TRNT1: variants seen among roughly 807,000 people sequenced by gnomAD.
The protein encoded by TRNT1 is CCA tRNA nucleotidyltransferase 1, mitochondrial.
TRNT1 carries 44 observed loss-of-function variants against 45.6 expected under a neutral mutation model. That is an observed-to-expected ratio of 0.97 (90% CI 0.76 to 1.24). TRNT1 has a LOEUF of 1.24. Among genes scored for constraint, TRNT1 ranks in the 50% most tolerant of loss-of-function variants. TRNT1 has a pLI of 0.00. For missense variants in TRNT1, 633 were observed against 504.4 expected, an observed-to-expected ratio of 1.25 and a Z score of -2.44; for synonymous variants, 201 against 171.4, an observed-to-expected ratio of 1.17 and a Z score of -1.35.
At chr3:3,141,116 T>C (rs1559224426) in intron 4 of TRNT1, among the ~76,000 whole-genome samples, 2 of 152,300 alleles carry the variant, frequency 1.3e-5, no homozygotes, top group Admixed American at 1.3e-4. Flanking sequence ...TGGGTTCAAA[T>C]TCTGACTCCG....
chr3:3,150,594 C>A, downstream of TRNT1: 1 of 359,476 alleles, frequency 2.8e-6, no homozygotes, highest in South Asian at 2.8e-5. Context: ...TGACATGCTA[C>A]CAGACATATC....
chr3:3,148,908 A>T lies in TRNT1; in HGVS notation c.*754A>T, dbSNP rs563591179. On this transcript the variant is annotated 3_prime_UTR_variant, in exon 8 of 8. Coordinates refer to ENST00000251607, the MANE Select transcript of TRNT1 (RefSeq NM_182916.3). Reference sequence around the variant, plus strand: ...ATTAGGTGTCATATACAATGGTAATATGCCTGTCTTTAAAGTGTTATTTTA... The same window carrying T: ...ATTAGGTGTCATATACAATGGTAATTTGCCTGTCTTTAAAGTGTTATTTTA... The T allele has an allele frequency of 1.4e-4, 21 of 152,250 alleles. No individual in the cohort carries two copies. The highest frequency in any genetic ancestry group is 2.0e-4 in the Admixed American group (3 of 15,286). The allele number at this position is 152,250 out of a possible 1,614,324, so 9.4% of individuals were successfully genotyped here.
downstream of TRNT1, chr3:3,149,082 C>T (rs1049182400): frequency 1.0e-4 from 15 of 150,424 alleles, no homozygotes; most frequent in Admixed American, 7.3e-4. Flanking sequence ...AATTTATTTC[C>T]TTTCTGTGTA....
In TRNT1 at chr3:3,147,759, TA is replaced by T. The variant is rs1231481746; in HGVS notation, c.1056+58del. ...TGAAGTATCGTCACGAATTTAGAAT[TA>T]ATTTATTAAAACTAAGATCTACAAA... On this transcript the variant is annotated intron_variant, in intron 7 of 7. Coordinates refer to ENST00000251607, the MANE Select transcript of TRNT1 (RefSeq NM_182916.3). The T allele has an allele frequency of 2.5e-5, 39 of 1,538,778 alleles. No homozygotes were observed. In the African/African-American group the frequency reaches 5.1e-4, roughly 20 times the overall value.
intron 1 of TRNT1, 132 bp from the exon 2 acceptor site, chr3:3,128,882 C>T: frequency 1.4e-6 from 1 of 690,760 alleles, no homozygotes; most frequent in South Asian, 2.1e-5. Flanking sequence ...CAAACTGACA[C>T]CGTTTTCAGT....
chr3:3,141,058 C>T (rs1292024408), intron 4 of TRNT1, among the ~76,000 whole-genome samples: 4 of 152,166 alleles, frequency 2.6e-5, no homozygotes, highest in East Asian at 3.9e-4. Context: ...GGCAACAGAG[C>T]GAGACTCCAT....
chr3:3,137,993 C>T (rs1705431965), intron 3 of TRNT1, among the ~76,000 whole-genome samples: 1 of 152,244 alleles, frequency 6.6e-6, no homozygotes, highest in East Asian at 1.9e-4. Flanking sequence ...TTTATTCCTG[C>T]ACTCTGTGCC....
At chr3:3,144,527 G>A (rs1430142614) in intron 4 of TRNT1, 57 bp from the exon 5 acceptor site, 2 of 1,502,668 alleles carry the variant, frequency 1.3e-6, no homozygotes, top group Admixed American at 4.0e-5. Flanking sequence ...ATTTTCTTGT[G>A]TTTTCAAATT....
intron 2 of TRNT1, 58 bp from the exon 3 acceptor site, chr3:3,137,202 A>G: frequency 6.4e-6 from 9 of 1,404,612 alleles, no homozygotes; most frequent in Non-Finnish European, 7.7e-6. Context: ...TTGTGGTTAA[A>G]ATAAACACAT....
intron 2 of TRNT1, among the ~76,000 whole-genome samples, chr3:3,130,948 G>A (rs1413052113): frequency 6.6e-6 from 1 of 152,020 alleles, no homozygotes; most frequent in Non-Finnish European, 1.5e-5. Flanking sequence ...CAAGCATACT[G>A]ATATGTGTCT....
rs528296646 is a variant in TRNT1, at chr3:3,140,629, T to G, written c.462T>G (p.Thr154=). ...WQKDAERRDL[T]INSMFLGFDG... is the part of the protein sequence containing the mutation. ...AAGATGCGGAACGCAGAGATCTCAC[T>G]ATAAATTCTATGTTTTTAGGTAATA... is the stretch of plus-strand genomic sequence containing the variant. Residue 154 remains threonine, a synonymous_variant, in exon 4 of 8, where the codon ACT becomes ACG. Transcript: ENST00000251607. 4.6e-5 allele frequency: 74 copies of G among 1,614,068 alleles called. No homozygotes were observed. In the African/African-American group the frequency reaches 9.3e-4, roughly 20 times the overall value.
At position 3,148,296 on chromosome 3, in the gene TRNT1, A is replaced by C; in HGVS notation, c.*142A>C. ...GAACAACAAGGGTCTTATTTTGTGA[A>C]TTATATATTTCAAGAACTAAACAGA... On this transcript the variant is annotated 3_prime_UTR_variant, in exon 8 of 8. Transcript: ENST00000251607. 1 of 829,438 alleles carries C rather than the reference A, an allele frequency of 1.2e-6. No individual in the cohort carries two copies. Among genetic ancestry groups the C allele is most frequent in the Non-Finnish European group, 1.8e-6 (1 of 542,102 alleles). 51.4% of individuals were successfully genotyped at this position (829,438 alleles called of 1,614,324 possible).
At chr3:3,138,806 GAT>G (rs1025590505) in intron 3 of TRNT1, among the ~76,000 whole-genome samples, 5 of 152,100 alleles carry the variant, frequency 3.3e-5, no homozygotes, top group African/African-American at 1.2e-4. Context: ...TTTCTCTTAG[GAT>G]ATCTACTATA....
intron 4 of TRNT1, 102 bp downstream of exon 4, chr3:3,140,750 T>G: frequency 7.2e-7 from 1 of 1,390,838 alleles, no homozygotes; most frequent in Non-Finnish European, 9.9e-7. Flanking sequence ...GAAGTTGCAT[T>G]AATTTCTTCT....
intron 6 of TRNT1, among the ~76,000 whole-genome samples, 175 bp from the exon 7 acceptor site, chr3:3,147,275 G>C (rs961300862): frequency 6.6e-6 from 1 of 152,116 alleles, no homozygotes; most frequent in African/African-American, 2.4e-5. Flanking sequence ...AGGTGACAGG[G>C]GAGAGAATAA....
At chr3:3,136,455 A>G (rs898618258) in intron 2 of TRNT1, among the ~76,000 whole-genome samples, 43 of 152,306 alleles carry the variant, frequency 2.8e-4, no homozygotes, top group Non-Finnish European at 2.4e-4. Flanking sequence ...AGAATTATAT[A>G]CAGACCATTT....
downstream of TRNT1, chr3:3,152,423 G>GAAA (rs11414437): frequency 2.7e-6 from 4 of 1,486,890 alleles, no homozygotes; most frequent in South Asian, 1.2e-5. Context: ...GGTAAAAAAA[G>GAAA]AAAAAAAAAA....
intron 2 of TRNT1, chr3:3,131,488 C>T (rs1003434749): frequency 1.3e-5 from 2 of 151,638 alleles, no homozygotes; most frequent in Non-Finnish European, 2.9e-5. Context: ...ATGTAGAAAG[C>T]TGAAACTGGA....
downstream of TRNT1, chr3:3,150,086 G>A (rs1047568248): frequency 6.6e-6 from 1 of 152,100 alleles, no homozygotes; most frequent in Non-Finnish European, 1.5e-5. Flanking sequence ...ACAGTATCAA[G>A]TTTAGTCTGG....
Sources: gnomAD v4.1 joint callset for allele counts (sites outside exome capture counted in the v4.1 genomes callset) on GRCh38, gnomAD v4.1.1 for gene constraint, MANE v1.5 for transcripts, NCBI Gene and HGNC (gene_info 2026-07-23, HGNC 2026-07-21) for gene names.